SDK1: variants seen among roughly 807,000 people sequenced by gnomAD.
SDK1 encodes sidekick cell adhesion molecule 1.
In SDK1, 157 loss-of-function variants were observed where a neutral mutation model predicts 245.5. The observed-to-expected ratio is 0.64, with a 90% confidence interval of 0.56 to 0.73. The LOEUF (loss-of-function observed/expected upper bound fraction) is 0.73, where lower values mean the gene tolerates loss of function less well. Ranked by LOEUF, SDK1 falls within the 30% of genes least tolerant of loss-of-function variation. The pLI is 0.00. For synonymous variants in SDK1, 1,647 were observed against 1,278.5 expected, an observed-to-expected ratio of 1.29 and a Z score of -6.15; for missense variants, 3,583 against 3,002.3, an observed-to-expected ratio of 1.19 and a Z score of -4.52.
chr7:3,825,318 TA>T (rs763807672), intron 5 of SDK1, among the ~76,000 whole-genome samples: 2,471 of 71,388 alleles, frequency 0.035, 40 homozygotes, highest in African/African-American at 0.1. Context: ...TTTCTTCCTC[TA>T]AAAAAAAAAA....
In SDK1 at chr7:3,958,669, T is replaced by C. The variant is rs548221852; in HGVS notation, c.1151-262T>C. The stretch of plus-strand genomic sequence containing the variant: ...ACCTCTTGGGGTAGTCCTTCTAAAA[T>C]GTAAATTAAGATATTCCATGATTCA... On this transcript the variant is annotated intron_variant, in intron 7 of 44. Coordinates refer to ENST00000404826, the MANE Select transcript of SDK1 (RefSeq NM_152744.4). Among the ~76,000 whole-genome samples the C allele has an allele frequency of 7.2e-5, 11 of 152,260 alleles. No homozygotes were observed. In the South Asian group the frequency reaches 2.3e-3, roughly 32 times the overall value.
intron 38 of SDK1, among the ~76,000 whole-genome samples, chr7:4,212,109 A>C (rs1229281150): frequency 4.6e-5 from 7 of 152,220 alleles, no homozygotes; most frequent in African/African-American, 1.7e-4. Context: ...AAAATTATAG[A>C]TTATTTAATG....
intron 1 of SDK1, among the ~76,000 whole-genome samples, chr7:3,418,045 T>A (rs1779423492): frequency 6.7e-6 from 1 of 149,916 alleles, no homozygotes; most frequent in African/African-American, 2.5e-5. Flanking sequence ...TGTCAGAATC[T>A]GCCAGATTAC....
At position 3,499,150 on chromosome 7, in the gene SDK1, C is replaced by A. The variant is rs1389315474; in HGVS notation, c.299-119930C>A. On this transcript the variant is annotated intron_variant, in intron 1 of 44. Transcript: ENST00000404826. ...ACTGGAATTATTTGTTTGGAAAAAC[C>A]TGGCTTTCTGAATAGCTGAAATTTT... 2.6e-5 allele frequency among the ~76,000 whole-genome samples: 4 copies of A among 152,142 alleles called. No homozygotes were observed. In the South Asian group the frequency reaches 8.3e-4, roughly 31 times the overall value.
At chr7:3,816,310 G>A (rs993675466) in intron 4 of SDK1, among the ~76,000 whole-genome samples, 1 of 151,492 alleles carries the variant, frequency 6.6e-6, no homozygotes, top group East Asian at 1.9e-4. Context: ...TCCAGGAGCT[G>A]GTTTTTTGAA....
At chr7:3,524,112 A>G (rs568590419) in intron 1 of SDK1, among the ~76,000 whole-genome samples, 2 of 152,350 alleles carry the variant, frequency 1.3e-5, no homozygotes, top group Non-Finnish European at 2.9e-5. Context: ...ACCTGCAGGA[A>G]GGAAGGGAGT....
At chr7:3,823,457 G>C (rs1363641110) in intron 5 of SDK1, among the ~76,000 whole-genome samples, 1 of 152,078 alleles carries the variant, frequency 6.6e-6, no homozygotes, top group African/African-American at 2.4e-5. Context: ...AAAACAGTCC[G>C]TACCTAGTAC....
At chr7:3,726,707 C>T (rs958079389) in intron 4 of SDK1, among the ~76,000 whole-genome samples, 3 of 152,192 alleles carry the variant, frequency 2.0e-5, no homozygotes, top group African/African-American at 4.8e-5. Context: ...CTCATATAAT[C>T]GGGAGCTGGG....
chr7:3,533,726 T>C (rs1562545085), intron 1 of SDK1, among the ~76,000 whole-genome samples: 2 of 152,182 alleles, frequency 1.3e-5, no homozygotes, highest in Non-Finnish European at 2.9e-5. Context: ...ATTTGCTGGA[T>C]TGATCTTCCT....
intron 4 of SDK1, among the ~76,000 whole-genome samples, chr7:3,682,591 C>T (rs67653507): frequency 0.83 from 126,099 of 151,992 alleles, 52,453 homozygotes; most frequent in Non-Finnish European, 0.86. Flanking sequence ...CGGCTGGCCT[C>T]TCCTTCCTGT....
chr7:3,839,079 T>G (rs1010798893), intron 5 of SDK1, among the ~76,000 whole-genome samples: 4 of 152,142 alleles, frequency 2.6e-5, no homozygotes, highest in Non-Finnish European at 5.9e-5. Context: ...TCTCAGGGAA[T>G]CCACATCCTC....
intron 25 of SDK1, among the ~76,000 whole-genome samples, chr7:4,120,382 A>G (rs970315157): frequency 1.9e-4 from 28 of 148,768 alleles, no homozygotes; most frequent in African/African-American, 6.4e-4. Flanking sequence ...AGTGAAAGGC[A>G]AATAATCACA....
rs375661314 is a variant in SDK1, at chr7:3,504,182, A to ATATG, written c.299-114897_299-114896insATGT. Among the ~76,000 whole-genome samples, 121 of 131,942 alleles carry ATATG rather than the reference A, an allele frequency of 9.2e-4. 1 individual carries two copies. Among genetic ancestry groups the ATATG allele is most frequent in the Admixed American group, 5.0e-3 (61 of 12,294 alleles). The allele number at this position is 131,942 out of a possible 152,430, so 86.6% of individuals were successfully genotyped here. ...AACCAAAAAAATTATATATATATATATGTGTGTGTGTGTGTGTGTGTGTGT... is the reference window on the plus strand; with the variant it reads ...AACCAAAAAAATTATATATATATATATATGTGTGTGTGTGTGTGTGTGTGTGTGT... On this transcript the variant is annotated intron_variant, in intron 1 of 44. Coordinates refer to ENST00000404826, the MANE Select transcript of SDK1 (RefSeq NM_152744.4).
Position 3,966,668 on chromosome 7 carries a change from A to G in SDK1, c.1430-650A>G, listed in dbSNP as rs532920456. 8.0e-4 allele frequency among the ~76,000 whole-genome samples: 122 copies of G among 152,142 alleles called. 2 individuals are homozygous for G. In the South Asian group the frequency reaches 0.025, roughly 31 times the overall value. ...TGTCATCTTGTGGATGACATTTTGTATTCAATAATTAGCTTTTTTTTTTGT... is the reference window on the plus strand; with the variant it reads ...TGTCATCTTGTGGATGACATTTTGTGTTCAATAATTAGCTTTTTTTTTTGT... On this transcript the variant is annotated intron_variant, in intron 9 of 44. Transcript: ENST00000404826.
At chr7:3,604,023 G>A (rs930078857) in intron 1 of SDK1, among the ~76,000 whole-genome samples, 2 of 152,116 alleles carry the variant, frequency 1.3e-5, no homozygotes, top group Admixed American at 1.3e-4. Context: ...TGCATCCCAG[G>A]GATGAAGCCC....
chr7:3,861,342 A>C (rs1278136051), intron 5 of SDK1, among the ~76,000 whole-genome samples: 7 of 152,188 alleles, frequency 4.6e-5, no homozygotes. Flanking sequence ...TTTAAGCAAA[A>C]TTCGCTTGTA....
chr7:3,312,587 T>C (rs1347903379), intron 1 of SDK1, among the ~76,000 whole-genome samples: 1 of 151,604 alleles, frequency 6.6e-6, no homozygotes, highest in African/African-American at 2.4e-5. Flanking sequence ...TTAAAAAAAA[T>C]AACCTCAATG....
chr7:4,005,436 G>GTGTT (rs1785404256), intron 14 of SDK1, among the ~76,000 whole-genome samples: 1 of 145,390 alleles, frequency 6.9e-6, no homozygotes, highest in Non-Finnish European at 1.5e-5. Flanking sequence ...GTGTGTGTGT[G>GTGTT]TTAATACTTC....
intron 2 of SDK1, 139 bp downstream of exon 2, chr7:3,619,378 A>C (rs1781865661): frequency 7.5e-6 from 5 of 665,614 alleles, no homozygotes; most frequent in Non-Finnish European, 1.2e-5. Flanking sequence ...AATAGATTTG[A>C]ATATGTAATT....
Sources: allele counts gnomAD v4.1 joint callset (sites outside exome capture counted in the v4.1 genomes callset), GRCh38; gene constraint gnomAD v4.1.1; transcripts MANE v1.5; gene names NCBI Gene and HGNC (gene_info 2026-07-23, HGNC 2026-07-21).